The following TMEM163 variants were observed in gnomAD, a reference collection of about 807,000 sequenced individuals.
TMEM163 encodes the protein transmembrane protein 163.
TMEM163 carries 17 observed loss-of-function variants against 29.3 expected under a neutral mutation model. The ratio of observed to expected loss-of-function variants is 0.58; its 90% CI spans 0.40 to 0.87. The LOEUF is 0.87. Ranked by LOEUF, TMEM163 falls within the 40% of genes least tolerant of loss-of-function variation. The pLI is 0.00. For missense variants in TMEM163, 303 were observed against 381.5 expected, an observed-to-expected ratio of 0.79 and a Z score of 1.71; for synonymous variants, 157 against 160.6, an observed-to-expected ratio of 0.98 and a Z score of 0.17.
At chr2:134,457,254 A>G (rs636701) in intron 7 of TMEM163, among the ~76,000 whole-genome samples, 100,609 of 152,110 alleles carry the variant, frequency 0.66, 36,263 homozygotes, top group East Asian at 0.94. Context: ...TGAATTTCAC[A>G]GACAACTTTC....
chr2:134,716,354 T>C (rs1392963945), intron 1 of TMEM163, among the ~76,000 whole-genome samples: 1 of 152,212 alleles, frequency 6.6e-6, no homozygotes. Context: ...CTGAGCTAGC[T>C]AGGTTTCTGA....
chr2:134,604,718 C>A (rs1682313671), intron 2 of TMEM163, among the ~76,000 whole-genome samples: 1 of 152,170 alleles, frequency 6.6e-6, no homozygotes, highest in African/African-American at 2.4e-5. Flanking sequence ...AATAAGAAAG[C>A]AAGCAACCCA....
chr2:134,714,524 G>A (rs1307425896), intron 1 of TMEM163, among the ~76,000 whole-genome samples: 3 of 152,170 alleles, frequency 2.0e-5, no homozygotes, highest in African/African-American at 7.2e-5. Context: ...TTAAAGCCAG[G>A]ACCCTGCTAA....
At chr2:134,687,363 C>G (rs901358897) in intron 2 of TMEM163, among the ~76,000 whole-genome samples, 1 of 152,154 alleles carries the variant, frequency 6.6e-6, no homozygotes, top group Admixed American at 6.5e-5. Flanking sequence ...CCACAGGGAT[C>G]TGTTTTTTGT....
At chr2:134,559,765 T>C (rs1681127110) in intron 2 of TMEM163, among the ~76,000 whole-genome samples, 1 of 152,090 alleles carries the variant, frequency 6.6e-6, no homozygotes, top group South Asian at 2.1e-4. Flanking sequence ...TAGAAAATAT[T>C]GCCCTCGAGC....
At chr2:134,597,598 G>A (rs1190015112) in intron 2 of TMEM163, among the ~76,000 whole-genome samples, 2 of 152,272 alleles carry the variant, frequency 1.3e-5, no homozygotes, top group East Asian at 3.9e-4. Flanking sequence ...GTCTCTGCCA[G>A]GCTTTGGTAT....
At chr2:134,553,632 T>C (rs952795851) in intron 2 of TMEM163, among the ~76,000 whole-genome samples, 1 of 152,172 alleles carries the variant, frequency 6.6e-6, no homozygotes, top group Non-Finnish European at 1.5e-5. Flanking sequence ...CCTCAAACTG[T>C]GTGAGGTGGA....
At chr2:134,546,935 A>G (rs1476009123) in intron 4 of TMEM163, among the ~76,000 whole-genome samples, 3 of 152,240 alleles carry the variant, frequency 2.0e-5, no homozygotes, top group Non-Finnish European at 2.9e-5. Flanking sequence ...TAAACCAGTC[A>G]CAAAAAAGAC....
intron 4 of TMEM163, among the ~76,000 whole-genome samples, chr2:134,526,759 A>G (rs944123379): frequency 6.6e-6 from 1 of 152,228 alleles, no homozygotes; most frequent in African/African-American, 2.4e-5. Flanking sequence ...CTCTTACAGA[A>G]CCACTGGAAA....
chr2:134,481,484 G>A (rs971380629), intron 5 of TMEM163, among the ~76,000 whole-genome samples: 2 of 151,992 alleles, frequency 1.3e-5, no homozygotes, highest in Non-Finnish European at 2.9e-5. Flanking sequence ...TCTCTTATCT[G>A]CTGCAATGTG....
intron 4 of TMEM163, among the ~76,000 whole-genome samples, chr2:134,541,254 GA>G: frequency 6.6e-6 from 1 of 152,360 alleles, no homozygotes; most frequent in Non-Finnish European, 1.5e-5. Context: ...AAGCATATGA[GA>G]ATATGTTCAG....
intron 4 of TMEM163, among the ~76,000 whole-genome samples, chr2:134,535,294 C>T (rs1222912100): frequency 6.6e-6 from 1 of 152,192 alleles, no homozygotes; most frequent in Non-Finnish European, 1.5e-5. Context: ...AGAGCAAGCA[C>T]TTTCTTGGCT....
At chr2:134,558,775 A>G (rs1318852066) in intron 2 of TMEM163, among the ~76,000 whole-genome samples, 1 of 152,216 alleles carries the variant, frequency 6.6e-6, no homozygotes, top group Admixed American at 6.5e-5. Flanking sequence ...CATTCTCTCC[A>G]AAGTCATGCA....
At chr2:134,554,051 T>C (rs1680992498) in intron 2 of TMEM163, among the ~76,000 whole-genome samples, 1 of 152,230 alleles carries the variant, frequency 6.6e-6, no homozygotes. Flanking sequence ...CTGTGTGCTT[T>C]TTGTGGGTTT....
chr2:134,478,648 T>TGC (rs1278273477), intron 5 of TMEM163, among the ~76,000 whole-genome samples: 1 of 152,112 alleles, frequency 6.6e-6, no homozygotes, highest in African/African-American at 2.4e-5. Flanking sequence ...AAGCTGAACT[T>TGC]AAAATTAAAA....
At chr2:134,702,745 AT>A (rs1165503312) in intron 2 of TMEM163, among the ~76,000 whole-genome samples, 1 of 152,134 alleles carries the variant, frequency 6.6e-6, no homozygotes, top group Non-Finnish European at 1.5e-5. Flanking sequence ...CACTCAGACA[AT>A]TTTTTTAACT....
intron 4 of TMEM163, among the ~76,000 whole-genome samples, chr2:134,521,333 G>A (rs1462420741): frequency 1.3e-5 from 2 of 152,116 alleles, no homozygotes; most frequent in Non-Finnish European, 2.9e-5. Flanking sequence ...ATGGCTCTAT[G>A]TCAGTGGCTC....
chr2:134,462,987 A>C (rs1250828406), intron 6 of TMEM163, among the ~76,000 whole-genome samples: 2 of 152,198 alleles, frequency 1.3e-5, no homozygotes, highest in Non-Finnish European at 2.9e-5. Flanking sequence ...AGCCAGAGGG[A>C]CTTGACAGCC....
In TMEM163 at chr2:134,713,172, A is replaced by G. The variant is rs538918935; in HGVS notation, c.322+28T>C. ...AATAAAACGGGCAACAGCAGCACATATTGGCCGACGAGACCCTTGATACTC... is the reference window on the plus strand; with the variant it reads ...AATAAAACGGGCAACAGCAGCACATGTTGGCCGACGAGACCCTTGATACTC... On this transcript the variant is annotated intron_variant, in intron 2 of 7. Transcript: ENST00000281924. 1.3e-5 allele frequency: 21 copies of G among 1,609,090 alleles called. No individual in the cohort carries two copies. In the South Asian group the frequency reaches 2.2e-4, roughly 17 times the overall value.
Sources: gnomAD v4.1 joint callset for allele counts (sites outside exome capture counted in the v4.1 genomes callset) on GRCh38, gnomAD v4.1.1 for gene constraint, MANE v1.5 for transcripts, NCBI Gene and HGNC (gene_info 2026-07-23, HGNC 2026-07-21) for gene names.